The following FCHSD2 variants were observed in gnomAD, a reference collection of about 807,000 sequenced individuals.
The protein encoded by FCHSD2 is FCH and double SH3 domains 2, also known as F-BAR and double SH3 domains protein 2.
FCHSD2 carries 38 observed loss-of-function variants against 108.1 expected under a neutral mutation model. The ratio of observed to expected loss-of-function variants is 0.35; its 90% CI spans 0.27 to 0.46. The LOEUF (loss-of-function observed/expected upper bound fraction) is 0.46. Ranked by LOEUF, FCHSD2 falls within the 20% of genes least tolerant of loss-of-function variation. FCHSD2 has a pLI of 1.00. For synonymous variants in FCHSD2, 279 were observed against 314.7 expected, an observed-to-expected ratio of 0.89 and a Z score of 1.20; for missense variants, 751 against 897.8, an observed-to-expected ratio of 0.84 and a Z score of 2.09.
intron 2 of FCHSD2, among the ~76,000 whole-genome samples, chr11:73,131,324 T>C (rs1044698135): frequency 2.0e-5 from 3 of 146,478 alleles, no homozygotes; most frequent in East Asian, 4.0e-4. Flanking sequence ...GAGACCATCC[T>C]GGCTAACACG....
chr11:73,042,847 T>C (rs1375098475), intron 3 of FCHSD2, among the ~76,000 whole-genome samples: 3 of 152,206 alleles, frequency 2.0e-5, no homozygotes, highest in Non-Finnish European at 4.4e-5. Flanking sequence ...TGATTTCTTT[T>C]TCTGCTAGTT....
At chr11:72,973,610 G>C (rs960202718) in intron 8 of FCHSD2, among the ~76,000 whole-genome samples, 2 of 152,194 alleles carry the variant, frequency 1.3e-5, no homozygotes, top group Non-Finnish European at 2.9e-5. Flanking sequence ...ACATAAGGGA[G>C]ATGTTTTGGG....
chr11:72,867,820 C>T, intron 13 of FCHSD2, 45 bp downstream of exon 13: 1 of 1,564,004 alleles, frequency 6.4e-7, no homozygotes, highest in Non-Finnish European at 8.7e-7. Context: ...TCAAAGCATG[C>T]TTCAGTGAAA....
intron 3 of FCHSD2, among the ~76,000 whole-genome samples, chr11:73,056,163 T>C (rs992478311): frequency 1.3e-5 from 2 of 152,192 alleles, no homozygotes; most frequent in African/African-American, 4.8e-5. Context: ...CCAGCAGATG[T>C]CCATTATACA....
chr11:72,956,183 CAG>C (rs1856707608), intron 8 of FCHSD2, among the ~76,000 whole-genome samples: 1 of 152,108 alleles, frequency 6.6e-6, no homozygotes, highest in South Asian at 2.1e-4. Flanking sequence ...TTGAATAAAA[CAG>C]AAATCCATGG....
chr11:73,107,106 G>A (rs1860363283), intron 2 of FCHSD2, among the ~76,000 whole-genome samples: 1 of 151,896 alleles, frequency 6.6e-6, no homozygotes, highest in East Asian at 1.9e-4. Flanking sequence ...GCGCAATATC[G>A]GCTCACTGCA....
At chr11:72,920,503 G>T (rs1305811039) in intron 9 of FCHSD2, among the ~76,000 whole-genome samples, 2 of 152,178 alleles carry the variant, frequency 1.3e-5, no homozygotes, top group Non-Finnish European at 2.9e-5. Flanking sequence ...CACTTTGAGA[G>T]GCAAGGCGGG....
intron 2 of FCHSD2, among the ~76,000 whole-genome samples, chr11:73,106,433 A>G (rs1198048112): frequency 6.6e-6 from 1 of 151,928 alleles, no homozygotes; most frequent in Non-Finnish European, 1.5e-5. Context: ...GAAAAAGAAA[A>G]AAGAAACAAG....
chr11:72,845,646 TG>T (rs1480055632), intron 14 of FCHSD2, among the ~76,000 whole-genome samples: 1 of 152,156 alleles, frequency 6.6e-6, no homozygotes. Flanking sequence ...TTGGTCCCTG[TG>T]GGCCTCTTGA....
At chr11:73,044,616 A>C (rs1858713620) in intron 3 of FCHSD2, among the ~76,000 whole-genome samples, 1 of 152,096 alleles carries the variant, frequency 6.6e-6, no homozygotes, top group Non-Finnish European at 1.5e-5. Flanking sequence ...CTATTAATCT[A>C]CAATAATAGA....
chr11:73,035,189 T>C (rs556540316), intron 3 of FCHSD2, among the ~76,000 whole-genome samples: 27 of 142,292 alleles, frequency 1.9e-4, no homozygotes, highest in African/African-American at 6.5e-4. Context: ...TATGTATGTA[T>C]GTATGTATGT....
intron 8 of FCHSD2, among the ~76,000 whole-genome samples, chr11:72,950,039 T>C (rs887493874): frequency 6.6e-6 from 1 of 152,182 alleles, no homozygotes; most frequent in African/African-American, 2.4e-5. Context: ...CCAACACTTG[T>C]TATTTTCTGT....
At chr11:72,932,808 G>A (rs927388720) in intron 8 of FCHSD2, among the ~76,000 whole-genome samples, 6 of 152,120 alleles carry the variant, frequency 3.9e-5, no homozygotes, top group Admixed American at 1.3e-4. Flanking sequence ...TCTGTGTTGA[G>A]CATAGGGTTT....
At chr11:73,117,164 A>G (rs550669185) in intron 2 of FCHSD2, among the ~76,000 whole-genome samples, 61 of 152,362 alleles carry the variant, frequency 4.0e-4, no homozygotes, top group African/African-American at 1.4e-3. Context: ...AATACATTCT[A>G]CATGTACTAA....
chr11:73,014,278 C>G (rs780350099), intron 4 of FCHSD2, among the ~76,000 whole-genome samples: 3 of 151,590 alleles, frequency 2.0e-5, no homozygotes, highest in African/African-American at 7.3e-5. Flanking sequence ...ACTACATGCA[C>G]GTACCACCAC....
At chr11:72,924,294 T>C (rs1044049944) in intron 8 of FCHSD2, among the ~76,000 whole-genome samples, 1 of 152,090 alleles carries the variant, frequency 6.6e-6, no homozygotes, top group African/African-American at 2.4e-5. Context: ...TTTCTTTTTT[T>C]TGAGACAGAG....
At chr11:73,061,768 C>T (rs1314401608) in intron 3 of FCHSD2, among the ~76,000 whole-genome samples, 4 of 152,212 alleles carry the variant, frequency 2.6e-5, no homozygotes, top group African/African-American at 9.7e-5. Context: ...GATTTCCCTT[C>T]TCTGGACAGG....
chr11:72,912,150 G>C (rs984206936), intron 9 of FCHSD2, among the ~76,000 whole-genome samples: 1 of 152,142 alleles, frequency 6.6e-6, no homozygotes, highest in Non-Finnish European at 1.5e-5. Context: ...TCTTTTGTCT[G>C]ACTGCTGTAG....
At chr11:72,883,301 T>A (rs779354564) in intron 12 of FCHSD2, among the ~76,000 whole-genome samples, 8 of 152,086 alleles carry the variant, frequency 5.3e-5, no homozygotes, top group African/African-American at 1.2e-4. Flanking sequence ...ACACTAATCA[T>A]AAAGGACAAA....
Sources: allele counts gnomAD v4.1 joint callset (sites outside exome capture counted in the v4.1 genomes callset), GRCh38; gene constraint gnomAD v4.1.1; transcripts MANE v1.5; gene names NCBI Gene and HGNC (gene_info 2026-07-23, HGNC 2026-07-21).